CECR2: variants seen among roughly 807,000 people sequenced by gnomAD.
The protein encoded by CECR2 is CECR2 histone acetyl-lysine reader, also known as chromatin remodeling regulator CECR2.
A neutral mutation model predicts 154.5 loss-of-function variants in CECR2; 30 were observed. The ratio of observed to expected loss-of-function variants is 0.19; its 90% CI spans 0.15 to 0.26. The LOEUF (loss-of-function observed/expected upper bound fraction) is 0.26. Among genes scored for constraint, CECR2 ranks in the 10% least tolerant of loss-of-function variants. The probability of loss-of-function intolerance (pLI) is 1.00; values close to 1 mark genes in which losing one functional copy is unlikely to be tolerated. For missense variants in CECR2, 1,743 were observed against 1,829.3 expected, an observed-to-expected ratio of 0.95 and a Z score of 0.86; for synonymous variants, 725 against 683.7, an observed-to-expected ratio of 1.06 and a Z score of -0.94.
At chr22:17,525,285 CCAAAAAAAAAAAAA>C (rs1183944215) in intron 9 of CECR2, among the ~76,000 whole-genome samples, 12 of 32,324 alleles carry the variant, frequency 3.7e-4, no homozygotes, top group African/African-American at 4.9e-4. Flanking sequence ...AACTCCATCT[CCAAAAAAAAAAAAA>C]AAAAAAAAAA....
intron 2 of CECR2, among the ~76,000 whole-genome samples, chr22:17,483,925 T>C (rs969625226): frequency 1.3e-5 from 2 of 152,244 alleles, no homozygotes; most frequent in Non-Finnish European, 2.9e-5. Flanking sequence ...TTTTGTACCA[T>C]GTCCTTACTA....
intron 1 of CECR2, among the ~76,000 whole-genome samples, chr22:17,408,656 T>C (rs867085126): frequency 1.4e-4 from 21 of 152,306 alleles, no homozygotes; most frequent in South Asian, 6.2e-4. Flanking sequence ...AATGCTACTA[T>C]CAGTTCACAT....
At chr22:17,532,466 CCTT>C (rs2056370460) in intron 9 of CECR2, among the ~76,000 whole-genome samples, 2 of 152,156 alleles carry the variant, frequency 1.3e-5, no homozygotes, top group South Asian at 4.1e-4. Flanking sequence ...TCTAGGCAGA[CCTT>C]CTACTTGATG....
chr22:17,425,366 C>A (rs1348226787), intron 1 of CECR2, among the ~76,000 whole-genome samples: 1 of 152,078 alleles, frequency 6.6e-6, no homozygotes, highest in Non-Finnish European at 1.5e-5. Context: ...TGTTCTGGAC[C>A]TATTTGGTCC....
chr22:17,495,861 CAAAAAAAAAAAAA>C (rs10558473), intron 2 of CECR2, among the ~76,000 whole-genome samples: 3 of 67,210 alleles, frequency 4.5e-5, no homozygotes, highest in Non-Finnish European at 7.9e-5. Flanking sequence ...GACTCTGTCT[CAAAAAAAAAAAAA>C]AAAAAAAAAA....
intron 1 of CECR2, among the ~76,000 whole-genome samples, chr22:17,447,947 A>G (rs1315261531): frequency 6.6e-6 from 1 of 152,136 alleles, no homozygotes; most frequent in African/African-American, 2.4e-5. Flanking sequence ...GACAGTGCAA[A>G]TAGAGAACAG....
At chr22:17,542,047 ATGT>A (rs1014775690) in intron 15 of CECR2, 80 bp downstream of exon 15, 13 of 1,574,046 alleles carry the variant, frequency 8.3e-6, no homozygotes, top group South Asian at 3.5e-5. Flanking sequence ...TCCAGGTTAA[ATGT>A]TGTTCATTGC....
intron 1 of CECR2, among the ~76,000 whole-genome samples, chr22:17,458,141 G>A (rs1262474911): frequency 2.0e-5 from 3 of 152,168 alleles, no homozygotes; most frequent in Non-Finnish European, 4.4e-5. Context: ...AACTGGCCGG[G>A]TGCAGTGGCT....
chr22:17,539,003 A>G lies in CECR2; in HGVS notation c.1379A>G (p.Asp460Gly). 1 of 1,613,688 alleles carries G rather than the reference A, an allele frequency of 6.2e-7. No homozygotes were observed. Among genetic ancestry groups the G allele is most frequent in the Non-Finnish European group, 8.5e-7 (1 of 1,179,746 alleles). Reference sequence around the variant, plus strand: ...ATGTGTCTCGTTTAGGCCCCCATGGATATTTCCAGCATGGAGAAGAAACTG... The same window carrying G: ...ATGTGTCTCGTTTAGGCCCCCATGGGTATTTCCAGCATGGAGAAGAAACTG... Reference protein sequence around the residue: ...NYYQIIKAPMDISSMEKKLNG... With the variant: ...NYYQIIKAPMGISSMEKKLNG... Residue 460 changes from aspartate (D) to glycine (G), a missense_variant, in exon 13 of 19, where the codon GAT (aspartate) becomes GGT (glycine). Around this residue, in one of 4 missense-constraint regions of CECR2, gnomAD observed 103 missense variants for 166.8 expected, o/e 0.62. Transcript: ENST00000262608.
chr22:17,380,786 T>TG (rs2063178336), intron 1 of CECR2, among the ~76,000 whole-genome samples: 1 of 152,226 alleles, frequency 6.6e-6, no homozygotes, highest in Admixed American at 6.5e-5. Context: ...TTCTTAGAAT[T>TG]GAAAAATGCT....
intron 1 of CECR2, among the ~76,000 whole-genome samples, chr22:17,392,630 C>T (rs563529277): frequency 1.5e-3 from 232 of 151,618 alleles, no homozygotes; most frequent in African/African-American, 5.3e-3. Context: ...TGCAGTGAGC[C>T]GAAATTATAC....
At position 17,397,786 on chromosome 22, in the gene CECR2, C is replaced by T. The variant is rs184445358; in HGVS notation, c.126+27877C>T. Among the ~76,000 whole-genome samples, 216 of 152,258 alleles carry T rather than the reference C, an allele frequency of 1.4e-3. 1 individual carries two copies. Among genetic ancestry groups the T allele is most frequent in the African/African-American group, 3.9e-3 (161 of 41,560 alleles). ...TGCTGGGATTACAGGTGTGAGTCAC[C>T]GTGCCCGGCTAACACAAATTAATTT... On this transcript the variant is annotated intron_variant, in intron 1 of 18. Transcript: ENST00000262608.
chr22:17,525,976 A>G (rs1344567249), intron 9 of CECR2, among the ~76,000 whole-genome samples: 6 of 152,156 alleles, frequency 3.9e-5, no homozygotes, highest in African/African-American at 1.4e-4. Flanking sequence ...TATAATGAAA[A>G]CTATAAAACA....
In CECR2 at chr22:17,555,413, C is replaced by T. The variant is rs2056761981; in HGVS notation, c.*2573C>T. The T allele has an allele frequency of 6.6e-6, 1 of 152,238 alleles. No individual in the cohort carries two copies. Among genetic ancestry groups the T allele is most frequent in the East Asian group, 1.9e-4 (1 of 5,186 alleles). 9.4% of individuals were successfully genotyped at this position (152,238 alleles called of 1,614,324 possible). A position where few individuals can be genotyped will look rare whatever the true frequency, so the allele number is the denominator to read the frequency against. On this transcript the variant is annotated 3_prime_UTR_variant, in exon 19 of 19. Transcript: ENST00000262608. ...GGAATGTGTCCATGCCTTATAGGTA[C>T]TAGTGCTTCGTCCATTGTCCAGGGA...
intron 2 of CECR2, among the ~76,000 whole-genome samples, chr22:17,478,379 G>A (rs899594562): frequency 3.3e-4 from 43 of 130,238 alleles, no homozygotes; most frequent in African/African-American, 1.0e-3. Flanking sequence ...TTTTTGAGAC[G>A]GAGTCTCACT....
In CECR2 at chr22:17,382,632, C is replaced by T. The variant is rs559578655; in HGVS notation, c.126+12723C>T. On this transcript the variant is annotated intron_variant, in intron 1 of 18. Coordinates refer to ENST00000262608, the MANE Select transcript of CECR2 (RefSeq NM_001290047.2). ...ATTAAAAAATATTTTAGGCTGGGCA[C>T]AGTGGCTCACGCCTGTAATCCCAAC... Among the ~76,000 whole-genome samples the T allele has an allele frequency of 7.2e-5, 11 of 152,340 alleles. No individual in the cohort carries two copies. The East Asian group carries it at 1.9e-3, about 27-fold the overall frequency.
At position 17,377,940 on chromosome 22, in the gene CECR2, G is replaced by A. The variant is rs182572061; in HGVS notation, c.126+8031G>A. On this transcript the variant is annotated intron_variant, in intron 1 of 18. Coordinates refer to ENST00000262608, the MANE Select transcript of CECR2 (RefSeq NM_001290047.2). Reference sequence around the variant, plus strand: ...TATTGATAGTTTGATCTGAAAATCTGTTGTGGGAAGCTGTTATATGAGGAA... The same window carrying A: ...TATTGATAGTTTGATCTGAAAATCTATTGTGGGAAGCTGTTATATGAGGAA... 1.1e-4 allele frequency among the ~76,000 whole-genome samples: 17 copies of A among 152,276 alleles called. No homozygotes were observed. The East Asian group carries it at 3.3e-3, about 29-fold the overall frequency.
At chr22:17,464,006 A>G (rs1356853843) in intron 1 of CECR2, among the ~76,000 whole-genome samples, 1 of 152,248 alleles carries the variant, frequency 6.6e-6, no homozygotes, top group East Asian at 1.9e-4. Context: ...AGATAGAATC[A>G]ACTTAAATGC....
rs915492918 is a variant in CECR2 at position 17,542,197 on chromosome 22, G to A, written c.2054G>A (p.Gly685Asp). Residue 685 changes from glycine (G) to aspartate (D), a missense_variant, in exon 16 of 19, where the codon GGC (glycine) becomes GAC (aspartate). Around this residue, in one of 4 missense-constraint regions of CECR2, gnomAD observed 1,250 missense variants for 1,192.1 expected, o/e 1.05. Transcript: ENST00000262608. ...GINSLRGPRL[G>D]TPEEKQMCGG... ...AACAGCCTCCGAGGACCCAGGCTAG[G>A]CACACCAGAGGAGAAGCAAATGTGC... is the stretch of plus-strand genomic sequence containing the variant. 22 of 1,612,794 alleles carry A rather than the reference G, an allele frequency of 1.4e-5. No individual in the cohort carries two copies. The highest frequency in any genetic ancestry group is 1.9e-5 in the Non-Finnish European group (22 of 1,179,368).
Sources: gnomAD v4.1 joint callset for allele counts (sites outside exome capture counted in the v4.1 genomes callset) on GRCh38, gnomAD v4.1.1 for gene constraint, gnomAD v4.1.1 regional missense constraint, MANE v1.5 for transcripts, NCBI Gene and HGNC (gene_info 2026-07-23, HGNC 2026-07-21) for gene names.